The following DPP6 variants were observed in gnomAD, a reference collection of about 807,000 sequenced individuals.
The protein encoded by DPP6 is dipeptidyl peptidase like 6.
In DPP6, 69 loss-of-function variants were observed where a neutral mutation model predicts 122.6. The observed-to-expected ratio is 0.56, with a 90% CI of 0.46 to 0.69. The LOEUF is 0.69. Ranked by LOEUF, DPP6 falls within the 30% of genes least tolerant of loss-of-function variation. DPP6 has a pLI of 0.00. For missense variants in DPP6, 928 were observed against 1,116.9 expected (o/e 0.83, Z 2.41); for synonymous variants, 418 against 433.1 (o/e 0.97, Z 0.43).
intron 1 of DPP6, among the ~76,000 whole-genome samples, chr7:153,910,090 A>G (rs1399021175): frequency 1.3e-5 from 2 of 152,246 alleles, no homozygotes; most frequent in East Asian, 3.9e-4. Flanking sequence ...CCGTGAATGT[A>G]ATACACATGT....
intron 1 of DPP6, chr7:154,058,816 CTG>C (rs944825865): frequency 1.3e-5 from 2 of 149,470 alleles, no homozygotes; most frequent in African/African-American, 5.0e-5. Context: ...ACAGTGGGGA[CTG>C]AGAGCTATCC....
At chr7:154,476,442 C>G (rs575941394) in intron 3 of DPP6, among the ~76,000 whole-genome samples, 31 of 152,346 alleles carry the variant, frequency 2.0e-4, no homozygotes, top group African/African-American at 6.0e-4. Flanking sequence ...CAAATGCAAG[C>G]ACTTGTGGGA....
intron 1 of DPP6, among the ~76,000 whole-genome samples, chr7:154,364,542 G>A (rs1428055976): frequency 2.0e-5 from 3 of 152,206 alleles, no homozygotes; most frequent in Non-Finnish European, 4.4e-5. Flanking sequence ...GTGAGGGCAG[G>A]GGCGGTGGGG....
intron 5 of DPP6, among the ~76,000 whole-genome samples, chr7:154,577,949 C>T (rs928042152): frequency 1.1e-4 from 16 of 152,216 alleles, no homozygotes; most frequent in South Asian, 2.1e-4. Context: ...TTTTAAACTA[C>T]GACAAACTGT....
chr7:154,591,584 CA>C (rs1832811154), intron 5 of DPP6, among the ~76,000 whole-genome samples: 1 of 152,158 alleles, frequency 6.6e-6, no homozygotes, highest in African/African-American at 2.4e-5. Flanking sequence ...GAGACAGGAA[CA>C]GGGGGCGTGC....
intron 1 of DPP6, among the ~76,000 whole-genome samples, chr7:154,195,561 A>T (rs1196345818): frequency 1.3e-5 from 2 of 152,160 alleles, no homozygotes; most frequent in African/African-American, 4.8e-5. Context: ...CACTGATGGG[A>T]TGACTCCAGG....
chr7:154,252,236 G>GTGTGCGCA (rs56297249), intron 1 of DPP6, among the ~76,000 whole-genome samples: 2 of 95,252 alleles, frequency 2.1e-5, no homozygotes, highest in African/African-American at 4.5e-5. Context: ...GTGTGTGTGT[G>GTGTGCGCA]CGCGCATGCG....
At chr7:153,762,772 C>T in the DPP6 span, among the ~76,000 whole-genome samples, 1 of 151,960 alleles carries the variant, frequency 6.6e-6, no homozygotes, top group Non-Finnish European at 1.5e-5. Flanking sequence ...AGGAGCGAAA[C>T]TCCATCTCAA....
intron 6 of DPP6, among the ~76,000 whole-genome samples, chr7:154,663,090 C>A (rs1386053836): frequency 2.5e-4 from 8 of 31,980 alleles, no homozygotes; most frequent in African/African-American, 5.7e-4. Context: ...TTGGCCATAG[C>A]GTTCATATAG....
intron 1 of DPP6, among the ~76,000 whole-genome samples, chr7:154,000,466 C>A (rs1434414432): frequency 6.6e-6 from 1 of 152,200 alleles, no homozygotes; most frequent in Admixed American, 6.5e-5. Flanking sequence ...GTTCTGGTGA[C>A]AGCCCACACT....
At chr7:154,395,969 A>T (rs551430320) in intron 1 of DPP6, among the ~76,000 whole-genome samples, 1 of 150,956 alleles carries the variant, frequency 6.6e-6, no homozygotes, top group Non-Finnish European at 1.5e-5. Flanking sequence ...TTAATCATAA[A>T]GCGCTGTTGA....
At chr7:154,060,694 G>T (rs1219140212) in intron 1 of DPP6, among the ~76,000 whole-genome samples, 21 of 147,578 alleles carry the variant, frequency 1.4e-4, no homozygotes, top group African/African-American at 5.2e-4. Context: ...TTCCGCCCCT[G>T]GCTGTTAGTA....
chr7:154,218,975 A>C (rs975385496), intron 1 of DPP6, among the ~76,000 whole-genome samples: 1 of 150,754 alleles, frequency 6.6e-6, no homozygotes, highest in Non-Finnish European at 1.5e-5. Context: ...CATATTGAAG[A>C]TATATATACA....
intron 3 of DPP6, among the ~76,000 whole-genome samples, chr7:154,499,557 A>AT (rs1215618223): frequency 6.6e-6 from 1 of 152,132 alleles, no homozygotes; most frequent in Non-Finnish European, 1.5e-5. Flanking sequence ...GGTTTTAAAT[A>AT]TTTTTTAATG....
At chr7:154,033,157 G>T (rs1799346257) in intron 1 of DPP6, among the ~76,000 whole-genome samples, 1 of 152,164 alleles carries the variant, frequency 6.6e-6, no homozygotes, top group Admixed American at 6.5e-5. Context: ...ACAAGTGATA[G>T]AATCTGAGTC....
At chr7:153,970,253 T>C (rs1795959393) in intron 1 of DPP6, among the ~76,000 whole-genome samples, 1 of 152,222 alleles carries the variant, frequency 6.6e-6, no homozygotes, top group Non-Finnish European at 1.5e-5. Context: ...TGGCAGATTG[T>C]GACAAATGAT....
intron 1 of DPP6, among the ~76,000 whole-genome samples, chr7:154,440,024 G>T (rs752203155): frequency 7.2e-5 from 11 of 152,180 alleles, no homozygotes; most frequent in Non-Finnish European, 1.0e-4. Context: ...GCACCCGCAG[G>T]TTTGTGTCTG....
chr7:154,313,080 G>T (rs1035508120), intron 1 of DPP6, among the ~76,000 whole-genome samples: 1 of 152,252 alleles, frequency 6.6e-6, no homozygotes, highest in Admixed American at 6.5e-5. Context: ...CCTCTGAGTG[G>T]GAAAGGGAAG....
intron 3 of DPP6, among the ~76,000 whole-genome samples, chr7:154,477,208 T>A (rs1822823254): frequency 6.6e-6 from 1 of 152,134 alleles, no homozygotes; most frequent in Non-Finnish European, 1.5e-5. Flanking sequence ...TGGAACTGTT[T>A]CTCAGTGGTA....
Sources: gnomAD v4.1 joint callset for allele counts (sites outside exome capture counted in the v4.1 genomes callset) on GRCh38, gnomAD v4.1.1 for gene constraint, MANE v1.5 for transcripts, NCBI Gene and HGNC (gene_info 2026-07-23, HGNC 2026-07-21) for gene names.